Variants in MAGI1 observed in about 807,000 individuals in gnomAD.
MAGI1 encodes the protein membrane-associated guanylate kinase, WW and PDZ domain-containing protein 1.
A neutral mutation model predicts 139.9 loss-of-function variants in MAGI1; 58 were observed. That is an observed-to-expected ratio of 0.41 (90% CI 0.34 to 0.52). The LOEUF (loss-of-function observed/expected upper bound fraction) is 0.52. MAGI1 is among the 20% of genes least tolerant of loss of function. The pLI, the probability that MAGI1 is intolerant of heterozygous loss-of-function variation, is 0.12. For synonymous variants in MAGI1, 812 were observed against 737.9 expected (o/e 1.10, Z -1.63); for missense variants, 1,874 against 1,901.6 (o/e 0.99, Z 0.27).
Position 65,379,267 on chromosome 3 carries a change from T to C in MAGI1, c.2989A>G (p.Thr997Ala). The C allele has an allele frequency of 6.2e-7, 1 of 1,611,600 alleles. No individual in the cohort carries two copies. Among genetic ancestry groups the C allele is most frequent in the Non-Finnish European group, 8.5e-7 (1 of 1,178,860 alleles). The change falls in exon 17 of 23, where the codon ACC becomes GCC. Residue 997 changes from threonine (T) to alanine (A), a missense_variant. Coordinates refer to ENST00000402939, the MANE Select transcript of MAGI1 (RefSeq NM_001033057.2). ...TTTCACGTTCAGCACTCACCAAAGG[T>C]CGTGCCTGCTTCGGGCCTGCTCACC... ...SSVSRPEAGT[T>A]FGNACVAMPH...
At chr3:65,629,927 G>C (rs549369606) in intron 1 of MAGI1, among the ~76,000 whole-genome samples, 133 of 152,026 alleles carry the variant, frequency 8.7e-4, no homozygotes, top group African/African-American at 3.2e-3. Context: ...AGGGAAAAAT[G>C]GTCAACTTTA....
intron 1 of MAGI1, among the ~76,000 whole-genome samples, chr3:66,010,001 G>A (rs542713493): frequency 4.0e-5 from 6 of 148,608 alleles, no homozygotes; most frequent in East Asian, 4.0e-4. Flanking sequence ...GCTTGAACCC[G>A]GGAGGTGGAA....
chr3:65,601,917 C>G (rs2082502479), intron 2 of MAGI1, among the ~76,000 whole-genome samples: 1 of 152,054 alleles, frequency 6.6e-6, no homozygotes, highest in African/African-American at 2.4e-5. Flanking sequence ...AATAAAAAGA[C>G]AAATAATCCA....
At chr3:65,392,090 G>A (rs2107001156) in intron 13 of MAGI1, among the ~76,000 whole-genome samples, 1 of 152,288 alleles carries the variant, frequency 6.6e-6, no homozygotes, top group Middle Eastern at 3.4e-3. Context: ...AGCCTTCTTA[G>A]ATCTGCAACT....
chr3:65,586,225 A>T (rs1381398999), intron 2 of MAGI1, among the ~76,000 whole-genome samples: 1 of 152,012 alleles, frequency 6.6e-6, no homozygotes, highest in East Asian at 1.9e-4. Context: ...AAAAAGCAAC[A>T]ACAGGGATGA....
intron 12 of MAGI1, among the ~76,000 whole-genome samples, chr3:65,425,878 G>C (rs1238522194): frequency 6.6e-6 from 1 of 152,012 alleles, no homozygotes; most frequent in Non-Finnish European, 1.5e-5. Flanking sequence ...AATCCTTATG[G>C]GACAAGTTCG....
intron 1 of MAGI1, among the ~76,000 whole-genome samples, chr3:65,934,926 TACAA>T (rs1251854949): frequency 6.6e-6 from 1 of 152,138 alleles, no homozygotes; most frequent in Non-Finnish European, 1.5e-5. Flanking sequence ...CTGTGGTTGG[TACAA>T]ACACAGTAAA....
intron 1 of MAGI1, among the ~76,000 whole-genome samples, chr3:65,966,043 T>C (rs1011085433): frequency 6.6e-6 from 1 of 152,218 alleles, no homozygotes; most frequent in South Asian, 2.1e-4. Flanking sequence ...AATGACCAAC[T>C]GGAGTGTGGT....
intron 1 of MAGI1, among the ~76,000 whole-genome samples, chr3:66,002,367 C>G (rs1034739670): frequency 1.3e-5 from 2 of 152,192 alleles, no homozygotes; most frequent in East Asian, 3.9e-4. Flanking sequence ...CACAATACTA[C>G]CATTTCCAAT....
intron 3 of MAGI1, among the ~76,000 whole-genome samples, chr3:65,479,846 G>T (rs1951147868): frequency 6.6e-6 from 1 of 151,894 alleles, no homozygotes; most frequent in Non-Finnish European, 1.5e-5. Flanking sequence ...ACAAAGGGTG[G>T]TTCATCAAGA....
intron 1 of MAGI1, among the ~76,000 whole-genome samples, chr3:65,640,155 G>A (rs954345345): frequency 2.0e-5 from 3 of 151,922 alleles, no homozygotes; most frequent in Non-Finnish European, 4.4e-5. Context: ...GTCATGTGCA[G>A]GTCTTGGGAT....
At chr3:65,455,032 A>G (rs1447149255) in intron 5 of MAGI1, among the ~76,000 whole-genome samples, 1 of 152,222 alleles carries the variant, frequency 6.6e-6, no homozygotes, top group Non-Finnish European at 1.5e-5. Context: ...ACTAGAATCC[A>G]CAGTCTGCAC....
chr3:65,639,751 C>G (rs2084877151), intron 1 of MAGI1, among the ~76,000 whole-genome samples: 1 of 151,974 alleles, frequency 6.6e-6, no homozygotes, highest in African/African-American at 2.4e-5. Context: ...GCCTGTAATC[C>G]CAGCACTTTG....
At chr3:65,845,261 A>G (rs962126892) in intron 1 of MAGI1, among the ~76,000 whole-genome samples, 2 of 151,700 alleles carry the variant, frequency 1.3e-5, no homozygotes, top group Non-Finnish European at 2.9e-5. Context: ...CAAAAAAAAA[A>G]AGAGAAGAGA....
At chr3:65,481,687 A>G (rs1376238439) in intron 3 of MAGI1, among the ~76,000 whole-genome samples, 1 of 152,204 alleles carries the variant, frequency 6.6e-6, no homozygotes. Flanking sequence ...GTGCCATTAA[A>G]CTGAAGTAGC....
chr3:66,027,167 C>A (rs1356804194), intron 1 of MAGI1, among the ~76,000 whole-genome samples: 1 of 151,870 alleles, frequency 6.6e-6, no homozygotes, highest in Non-Finnish European at 1.5e-5. Context: ...ACTCGAGAGG[C>A]TGAGGCAGGA....
At chr3:65,568,301 C>G (rs904224307) in intron 2 of MAGI1, among the ~76,000 whole-genome samples, 1 of 152,094 alleles carries the variant, frequency 6.6e-6, no homozygotes, top group Non-Finnish European at 1.5e-5. Context: ...TATTTTTTGA[C>G]TGGACACTTT....
At chr3:65,966,076 T>C in intron 1 of MAGI1, among the ~76,000 whole-genome samples, 1 of 152,208 alleles carries the variant, frequency 6.6e-6, no homozygotes, top group East Asian at 1.9e-4. Flanking sequence ...CTTCCATGTA[T>C]GAGATAGAGT....
chr3:65,575,611 A>G (rs1262093254), intron 2 of MAGI1, among the ~76,000 whole-genome samples: 1 of 152,204 alleles, frequency 6.6e-6, no homozygotes, highest in Non-Finnish European at 1.5e-5. Context: ...CAAACTGGAA[A>G]CAAACCAAAT....
Sources: allele counts gnomAD v4.1 joint callset (sites outside exome capture counted in the v4.1 genomes callset), GRCh38; gene constraint gnomAD v4.1.1; transcripts MANE v1.5; gene names NCBI Gene and HGNC (gene_info 2026-07-23, HGNC 2026-07-21).